Variants in PAAF1 observed in about 807,000 individuals in gnomAD.
PAAF1 encodes the protein proteasomal ATPase associated factor 1, also known as proteasomal ATPase-associated factor 1.
Under a neutral mutation model 52.8 loss-of-function variants are expected in PAAF1, and 46 were observed. The ratio of observed to expected loss-of-function variants is 0.87; its 90% CI spans 0.69 to 1.11. The LOEUF is 1.11. Ranked by LOEUF, PAAF1 falls within the 50% of genes most tolerant of loss-of-function variation. The pLI, the probability that PAAF1 is intolerant of heterozygous loss-of-function variation, is 0.00. For synonymous variants in PAAF1, 178 were observed against 172.8 expected (o/e 1.03, Z -0.24); for missense variants, 424 against 477.4 (o/e 0.89, Z 1.04).
At chr11:73,912,720 C>G (rs1206678299) in intron 7 of PAAF1, among the ~76,000 whole-genome samples, 2 of 152,138 alleles carry the variant, frequency 1.3e-5, no homozygotes, top group Admixed American at 6.6e-5. Context: ...AAATCCTAAC[C>G]CCTTAGCATG....
At chr11:73,901,998 G>A (rs957930536) in intron 6 of PAAF1, among the ~76,000 whole-genome samples, 6 of 151,484 alleles carry the variant, frequency 4.0e-5, no homozygotes, top group Admixed American at 6.6e-5. Flanking sequence ...CAAGTAGCTG[G>A]GATCACAGGC....
intron 4 of PAAF1, among the ~76,000 whole-genome samples, chr11:73,897,464 C>T (rs987637237): frequency 1.3e-5 from 2 of 151,250 alleles, no homozygotes; most frequent in African/African-American, 2.4e-5. Flanking sequence ...CCTCACTTCT[C>T]AGACGGGGCG....
Position 73,914,505 on chromosome 11 carries a change from G to T in PAAF1, c.819+1G>T. 1 of 1,613,784 alleles carries T rather than the reference G, an allele frequency of 6.2e-7. No individual in the cohort carries two copies. The highest frequency in any genetic ancestry group is 8.5e-7 in the Non-Finnish European group (1 of 1,179,784). ...CTTGGGACTACAGAGCAGGCAGCTG[G>T]CAAGTGGTTCCTATATGACCTTTGA... On this transcript the variant is annotated splice_donor_variant, in intron 8 of 11. Coordinates refer to ENST00000310571, the MANE Select transcript of PAAF1 (RefSeq NM_025155.3). LOFTEE classifies it high-confidence loss of function.
chr11:73,896,933 C>T (rs1466780967), intron 4 of PAAF1, among the ~76,000 whole-genome samples: 1 of 149,762 alleles, frequency 6.7e-6, no homozygotes, highest in African/African-American at 2.5e-5. Context: ...GGGGGCTGAC[C>T]CCCCAGACCT....
chr11:73,910,755 C>T (rs1591106626), intron 7 of PAAF1, among the ~76,000 whole-genome samples: 1 of 152,076 alleles, frequency 6.6e-6, no homozygotes, highest in South Asian at 2.1e-4. Context: ...CTTTGGGAGG[C>T]CGAGGCGGGC....
chr11:73,904,094 A>G (rs1565140559), intron 6 of PAAF1, among the ~76,000 whole-genome samples: 1 of 152,046 alleles, frequency 6.6e-6, no homozygotes. Context: ...AAAAAAAAAA[A>G]AAGTATATAT....
intron 6 of PAAF1, among the ~76,000 whole-genome samples, chr11:73,909,109 A>G (rs908468049): frequency 2.0e-5 from 3 of 152,168 alleles, no homozygotes; most frequent in Non-Finnish European, 4.4e-5. Context: ...TTTTTAAAAA[A>G]GAGTTTTGAA....
At chr11:73,909,676 A>C in intron 7 of PAAF1, 83 bp downstream of exon 7, 1 of 1,254,300 alleles carries the variant, frequency 8.0e-7, no homozygotes, top group Non-Finnish European at 1.1e-6. Context: ...TTTCTTCCTC[A>C]TCCTTTTCTG....
intron 5 of PAAF1, 101 bp from the exon 6 acceptor site, chr11:73,900,169 A>G: frequency 7.9e-7 from 1 of 1,272,430 alleles, no homozygotes; most frequent in African/African-American, 1.5e-5. Context: ...ATGTGGGTTT[A>G]GCATGTAGGT....
chr11:73,901,112 G>A (rs1394249080), intron 6 of PAAF1, among the ~76,000 whole-genome samples: 1 of 151,324 alleles, frequency 6.6e-6, no homozygotes, highest in Non-Finnish European at 1.5e-5. Flanking sequence ...GAGAAAAGGA[G>A]ATGTGTCTGC....
At chr11:73,922,927 C>A (rs1435208367) in intron 10 of PAAF1, among the ~76,000 whole-genome samples, 1 of 150,234 alleles carries the variant, frequency 6.7e-6, no homozygotes, top group Non-Finnish European at 1.5e-5. Context: ...AAATAAAAAA[C>A]AAAATTTTTT....
At chr11:73,913,562 C>A (rs1010001618) in intron 7 of PAAF1, among the ~76,000 whole-genome samples, 10 of 152,124 alleles carry the variant, frequency 6.6e-5, no homozygotes, top group African/African-American at 2.4e-4. Context: ...TCATCACTTT[C>A]TGAAAGTATC....
intron 4 of PAAF1, among the ~76,000 whole-genome samples, chr11:73,897,681 G>A (rs1252864018): frequency 1.3e-5 from 2 of 150,450 alleles, no homozygotes; most frequent in African/African-American, 4.9e-5. Flanking sequence ...GGGCAGAGAG[G>A]CTCCTCACTT....
chr11:73,889,675 C>G (rs1949150061), intron 3 of PAAF1, among the ~76,000 whole-genome samples: 1 of 152,184 alleles, frequency 6.6e-6, no homozygotes, highest in East Asian at 1.9e-4. Flanking sequence ...TACAGAGGCC[C>G]AAACACTAAG....
At chr11:73,906,220 C>T (rs888516201) in intron 6 of PAAF1, among the ~76,000 whole-genome samples, 33 of 152,078 alleles carry the variant, frequency 2.2e-4, no homozygotes, top group African/African-American at 7.2e-4. Flanking sequence ...ACCTAACAAC[C>T]GTTGCCAGCT....
At position 73,877,021 on chromosome 11, in the gene PAAF1, G is replaced by C; in HGVS notation, c.-1G>C. 1 of 1,534,888 alleles carries C rather than the reference G, an allele frequency of 6.5e-7. No homozygotes were observed. Among genetic ancestry groups the C allele is most frequent in the Non-Finnish European group, 8.8e-7 (1 of 1,138,322 alleles). ...GGTGGGCTGGTGGAGGCGGGGTCGA[G>C]ATGGCGGCGCCTTTGAGGATTCAGA... On this transcript the variant is annotated 5_prime_UTR_variant, in exon 1 of 12. Coordinates refer to ENST00000310571, the MANE Select transcript of PAAF1 (RefSeq NM_025155.3).
intron 3 of PAAF1, among the ~76,000 whole-genome samples, chr11:73,888,240 C>G (rs78699899): frequency 6.6e-6 from 1 of 152,098 alleles, no homozygotes; most frequent in East Asian, 1.9e-4. Context: ...AATACTTGAT[C>G]TGTATTTAGG....
chr11:73,897,567 C>T (rs1486894258), intron 4 of PAAF1, among the ~76,000 whole-genome samples: 5 of 151,374 alleles, frequency 3.3e-5, no homozygotes, highest in Non-Finnish European at 7.4e-5. Context: ...CAGAGACGCT[C>T]CTCACTTCCC....
chr11:73,908,295 GTGTGTATATATGTATATATA>G lies in PAAF1; in HGVS notation c.533-1070_533-1051del, dbSNP rs1329519172. The stretch of plus-strand genomic sequence containing the variant: ...TATATGTGTATATATGTATATATAT[GTGTGTATATATGTATATATA>G]TGTGTATATATGTATATATATGTGT... On this transcript the variant is annotated intron_variant, in intron 6 of 11. Coordinates refer to ENST00000310571, the MANE Select transcript of PAAF1 (RefSeq NM_025155.3). 5.4e-3 allele frequency among the ~76,000 whole-genome samples: 774 copies of G among 144,172 alleles called. 5 individuals carry two copies. The highest frequency in any genetic ancestry group is 0.015 in the African/African-American group (553 of 38,138). 94.6% of individuals were successfully genotyped at this position (144,172 alleles called of 152,430 possible). A position where few individuals can be genotyped will look rare whatever the true frequency, so the allele number is the denominator to read the frequency against.
Sources: gnomAD v4.1 joint callset for allele counts (sites outside exome capture counted in the v4.1 genomes callset) on GRCh38, gnomAD v4.1.1 for gene constraint, MANE v1.5 for transcripts, NCBI Gene and HGNC (gene_info 2026-07-23, HGNC 2026-07-21) for gene names.